Variants in CALCRL observed in about 807,000 individuals in gnomAD.
CALCRL encodes calcitonin receptor like receptor.
In CALCRL, 27 loss-of-function variants were observed where a neutral mutation model predicts 60.4. The observed-to-expected ratio is 0.45, with a 90% CI of 0.33 to 0.62. CALCRL has a LOEUF of 0.62. Among genes scored for constraint, CALCRL ranks in the 20% least tolerant of loss-of-function variants. The pLI is 0.03. For missense variants in CALCRL, 424 were observed against 540.7 expected (o/e 0.78, Z 2.14); for synonymous variants, 190 against 182.6 (o/e 1.04, Z -0.33).
At chr2:187,416,397 A>G (rs973814603) in intron 1 of CALCRL, among the ~76,000 whole-genome samples, 22 of 152,168 alleles carry the variant, frequency 1.4e-4, no homozygotes, top group African/African-American at 2.4e-5. Context: ...CTGTACTCCT[A>G]ATTTCCCTGT....
chr2:187,408,103 AG>A (rs1013358341), intron 1 of CALCRL, among the ~76,000 whole-genome samples: 3 of 151,968 alleles, frequency 2.0e-5, no homozygotes, highest in African/African-American at 7.2e-5. Flanking sequence ...TATCATTCTG[AG>A]GGAAAAAATG....
intron 1 of CALCRL, among the ~76,000 whole-genome samples, chr2:187,398,420 C>T (rs1688747943): frequency 6.6e-6 from 1 of 151,562 alleles, no homozygotes; most frequent in Admixed American, 6.6e-5. Context: ...ATTGAGCTTT[C>T]CAATCATTCT....
At chr2:187,403,720 T>C (rs1240462506) in intron 1 of CALCRL, among the ~76,000 whole-genome samples, 2 of 151,820 alleles carry the variant, frequency 1.3e-5, no homozygotes, top group Admixed American at 6.6e-5. Flanking sequence ...TTGAGGTCTC[T>C]GGGGAAATTA....
intron 9 of CALCRL, among the ~76,000 whole-genome samples, chr2:187,361,048 A>ATGTAATTATAATTATG (rs1446692392): frequency 6.6e-6 from 1 of 152,088 alleles, no homozygotes; most frequent in East Asian, 1.9e-4. Flanking sequence ...TTATGTAATT[A>ATGTAATTATAATTATG]TAAGTATAAA....
intron 1 of CALCRL, among the ~76,000 whole-genome samples, chr2:187,397,055 A>T (rs1194116385): frequency 1.3e-5 from 2 of 151,750 alleles, no homozygotes; most frequent in African/African-American, 4.8e-5. Flanking sequence ...TCTGCAAAAC[A>T]ACTCCTACAC....
At chr2:187,353,597 T>C (rs1371653474) in intron 12 of CALCRL, among the ~76,000 whole-genome samples, 2 of 151,918 alleles carry the variant, frequency 1.3e-5, no homozygotes, top group African/African-American at 4.8e-5. Flanking sequence ...AACACATCTA[T>C]GAAAAGCAAT....
intron 1 of CALCRL, among the ~76,000 whole-genome samples, chr2:187,388,647 CTTTA>C (rs1381831507): frequency 6.6e-6 from 1 of 151,992 alleles, no homozygotes; most frequent in Non-Finnish European, 1.5e-5. Context: ...ACCTATTCAG[CTTTA>C]TTTGTTAGAT....
intron 1 of CALCRL, among the ~76,000 whole-genome samples, chr2:187,417,848 GA>G (rs1388172862): frequency 1.1e-4 from 17 of 152,212 alleles, no homozygotes; most frequent in African/African-American, 3.9e-4. Context: ...ACCACCACAG[GA>G]AAGAGGATAA....
chr2:187,397,534 TA>T (rs1688712754), intron 1 of CALCRL, among the ~76,000 whole-genome samples: 1 of 151,750 alleles, frequency 6.6e-6, no homozygotes, highest in Non-Finnish European at 1.5e-5. Flanking sequence ...AATTTTACTT[TA>T]TTTTTTTGTT....
At chr2:187,376,132 A>G (rs1226066060) in intron 8 of CALCRL, among the ~76,000 whole-genome samples, 2 of 152,172 alleles carry the variant, frequency 1.3e-5, no homozygotes, top group African/African-American at 2.4e-5. Context: ...AGCATTAAAG[A>G]TCCTCAGGTC....
At chr2:187,427,500 T>A (rs1386528622) in intron 1 of CALCRL, among the ~76,000 whole-genome samples, 1 of 152,162 alleles carries the variant, frequency 6.6e-6, no homozygotes, top group African/African-American at 2.4e-5. Context: ...GTAAAGAATT[T>A]CATGAAGGTA....
intron 14 of CALCRL, among the ~76,000 whole-genome samples, 199 bp from the exon 15 acceptor site, chr2:187,346,598 ATTACATTGTACT>A (rs1449962614): frequency 2.0e-5 from 3 of 151,902 alleles, no homozygotes; most frequent in Non-Finnish European, 2.9e-5. Flanking sequence ...ATGTATTACA[ATTACATTGTACT>A]TTACATTCCA....
chr2:187,356,818 C>G (rs1686811886), intron 12 of CALCRL, among the ~76,000 whole-genome samples: 1 of 152,080 alleles, frequency 6.6e-6, no homozygotes, highest in African/African-American at 2.4e-5. Flanking sequence ...AATAAACAAT[C>G]AACGCCATCA....
intron 1 of CALCRL, among the ~76,000 whole-genome samples, chr2:187,392,854 C>T (rs1688507449): frequency 6.6e-6 from 1 of 152,072 alleles, no homozygotes; most frequent in Non-Finnish European, 1.5e-5. Flanking sequence ...CAGGCTTGAG[C>T]TCCTGCACCT....
chr2:187,402,752 C>T (rs193008905), intron 1 of CALCRL, among the ~76,000 whole-genome samples: 1 of 151,856 alleles, frequency 6.6e-6, no homozygotes, highest in Non-Finnish European at 1.5e-5. Context: ...ACGATGTCTG[C>T]CATGGCAGCA....
chr2:187,441,678 C>CAGTCTG, intron 1 of CALCRL, among the ~76,000 whole-genome samples: 1 of 152,088 alleles, frequency 6.6e-6, no homozygotes, highest in East Asian at 1.9e-4. Context: ...GATGAAAAAT[C>CAGTCTG]AGTCTGCTTC....
In CALCRL at chr2:187,363,358, C is replaced by G; in HGVS notation, c.627+18G>C. On this transcript the variant is annotated intron_variant, in intron 9 of 14. Transcript: ENST00000392370. ...CCATTAGGCCCTTGAACCAAGGGCACAATCTTGGTTTACTTACAGGATTTG... is the reference window on the plus strand; with the variant it reads ...CCATTAGGCCCTTGAACCAAGGGCAGAATCTTGGTTTACTTACAGGATTTG... The G allele has an allele frequency of 6.2e-7, 1 of 1,601,134 alleles. No individual in the cohort carries two copies. The highest frequency in any genetic ancestry group is 8.5e-7 in the Non-Finnish European group (1 of 1,174,646).
chr2:187,345,296 A>C lies in CALCRL; in HGVS notation c.*888T>G, dbSNP rs1686229905. On this transcript the variant is annotated 3_prime_UTR_variant, in exon 15 of 15. Transcript: ENST00000392370. The stretch of plus-strand genomic sequence containing the variant: ...CACAATTTCTTTTTACAAAATTCCA[A>C]GAAAATAAGAAATCCTTCATTGATT... 6.6e-6 allele frequency: 1 copy of C among 152,414 alleles called. No homozygotes were observed. Among genetic ancestry groups the C allele is most frequent in the East Asian group, 1.9e-4 (1 of 5,176 alleles). The allele number at this position is 152,414 out of a possible 1,614,324, so 9.4% of individuals were successfully genotyped here. A position where few individuals can be genotyped will look rare whatever the true frequency, so the allele number is the denominator to read the frequency against.
intron 7 of CALCRL, among the ~76,000 whole-genome samples, chr2:187,380,218 C>T (rs1308215284): frequency 6.6e-6 from 1 of 152,076 alleles, no homozygotes; most frequent in African/African-American, 2.4e-5. Context: ...AAATTTGAAA[C>T]CCCAATACTG....
Sources: allele counts gnomAD v4.1 joint callset (sites outside exome capture counted in the v4.1 genomes callset), GRCh38; gene constraint gnomAD v4.1.1; transcripts MANE v1.5; gene names NCBI Gene and HGNC (gene_info 2026-07-23, HGNC 2026-07-21).